PTPRQ: variants seen among roughly 807,000 people sequenced by gnomAD.
The protein encoded by PTPRQ is phosphatidylinositol phosphatase PTPRQ.
In PTPRQ, 199 loss-of-function variants were observed where a neutral mutation model predicts 246.0. That is an observed-to-expected ratio of 0.81 (90% confidence interval 0.72 to 0.91). The LOEUF is 0.91. Ranked by LOEUF, PTPRQ falls within the 40% of genes least tolerant of loss-of-function variation. PTPRQ has a pLI of 0.00. For missense variants in PTPRQ, 2,624 were observed against 2,528.4 expected (o/e 1.04, Z -0.81); for synonymous variants, 869 against 853.2 (o/e 1.02, Z -0.32).
intron 34 of PTPRQ, among the ~76,000 whole-genome samples, chr12:80,633,216 G>GT (rs781043562): frequency 6.6e-6 from 1 of 152,190 alleles, no homozygotes; most frequent in Admixed American, 6.5e-5. Context: ...AAAGTAATTT[G>GT]TAACTCTTAT....
At chr12:80,456,495 T>C (rs751538112) in intron 3 of PTPRQ, among the ~76,000 whole-genome samples, 7 of 152,148 alleles carry the variant, frequency 4.6e-5, no homozygotes, top group Non-Finnish European at 8.8e-5. Flanking sequence ...TGTCAATATA[T>C]GCTATTGGGG....
At chr12:80,484,075 C>T (rs1246806426) in intron 8 of PTPRQ, among the ~76,000 whole-genome samples, 1 of 151,616 alleles carries the variant, frequency 6.6e-6, no homozygotes, top group Non-Finnish European at 1.5e-5. Context: ...GTGCAATCTC[C>T]ACTCACTGTA....
At chr12:80,473,971 G>A (rs1893734067) in intron 8 of PTPRQ, among the ~76,000 whole-genome samples, 1 of 152,206 alleles carries the variant, frequency 6.6e-6, no homozygotes, top group African/African-American at 2.4e-5. Context: ...CAAAGGCAGG[G>A]TTGGCATGGT....
At chr12:80,523,941 A>T (rs1458982103) in intron 17 of PTPRQ, among the ~76,000 whole-genome samples, 1 of 152,056 alleles carries the variant, frequency 6.6e-6, no homozygotes, top group Non-Finnish European at 1.5e-5. Context: ...TGTCTCATTG[A>T]TCTGTCTAAT....
chr12:80,517,438 A>G (rs960704356), intron 17 of PTPRQ, among the ~76,000 whole-genome samples: 10 of 152,278 alleles, frequency 6.6e-5, no homozygotes, highest in Admixed American at 6.5e-5. Flanking sequence ...ACAAGCGTGT[A>G]ACAAGTAATA....
intron 39 of PTPRQ, among the ~76,000 whole-genome samples, chr12:80,661,504 T>C (rs1177666331): frequency 1.3e-5 from 2 of 151,442 alleles, no homozygotes; most frequent in Non-Finnish European, 3.0e-5. Flanking sequence ...CATTTGTATA[T>C]AAACATATAC....
chr12:80,534,289 C>T (rs1345744227), intron 18 of PTPRQ, 114 bp downstream of exon 18: 10 of 1,123,594 alleles, frequency 8.9e-6, no homozygotes, highest in South Asian at 2.4e-5. Context: ...TATTCATCAT[C>T]AGTTTGATGA....
rs531431892 is a variant in PTPRQ at position 80,679,669 on chromosome 12, G to T, written c.*646G>T. On this transcript the variant is annotated 3_prime_UTR_variant, in exon 45 of 45. Coordinates refer to ENST00000644991, the MANE Select transcript of PTPRQ (RefSeq NM_001145026.2). ...GATCTTCAGTTTGAGAACCTTAAAA[G>T]AAAAATTAAAAGTGCAATTGCACAC... 6.6e-6 allele frequency: 1 copy of T among 151,974 alleles called. No homozygotes were observed. The highest frequency in any genetic ancestry group is 6.6e-5 in the Admixed American group (1 of 15,234). 9.4% of individuals were successfully genotyped at this position (151,974 alleles called of 1,614,324 possible).
At chr12:80,476,712 T>A (rs1048398707) in intron 8 of PTPRQ, among the ~76,000 whole-genome samples, 4 of 152,242 alleles carry the variant, frequency 2.6e-5, no homozygotes, top group Non-Finnish European at 5.9e-5. Context: ...TAAGACTATA[T>A]GCCTGTCTTC....
chr12:80,585,683 A>G (rs1049503159), intron 25 of PTPRQ, among the ~76,000 whole-genome samples: 1 of 151,920 alleles, frequency 6.6e-6, no homozygotes, highest in African/African-American at 2.4e-5. Flanking sequence ...TGAAATATTG[A>G]CATGGCTAGG....
At chr12:80,547,150 C>G (rs545026998) in intron 24 of PTPRQ, 1 of 155,642 alleles carries the variant, frequency 6.4e-6, no homozygotes, top group South Asian at 2.0e-4. Context: ...CCCTATGTTC[C>G]CATCATCCCA....
Position 80,678,853 on chromosome 12 carries a change from T to C in PTPRQ, c.6862+128T>C, listed in dbSNP as rs896200939. 17 of 1,431,994 alleles carry C rather than the reference T, an allele frequency of 1.2e-5. No homozygotes were observed. In the African/African-American group the frequency reaches 2.0e-4, roughly 17 times the overall value. The allele number at this position is 1,431,994 out of a possible 1,614,324, so 88.7% of individuals were successfully genotyped here. On this transcript the variant is annotated intron_variant, in intron 44 of 44. Transcript: ENST00000644991. Reference sequence around the variant, plus strand: ...ATTAGTGCACAGATCAGGTTTTTTTTCTTTAACTTTTCTCTAATCCAAGTT... The same window carrying C: ...ATTAGTGCACAGATCAGGTTTTTTTCCTTTAACTTTTCTCTAATCCAAGTT...
chr12:80,645,848 G>T (rs922259695), intron 35 of PTPRQ, among the ~76,000 whole-genome samples: 12 of 152,068 alleles, frequency 7.9e-5, no homozygotes, highest in African/African-American at 2.7e-4. Flanking sequence ...CAAACAGGAT[G>T]CATGAAGAGG....
intron 37 of PTPRQ, 108 bp from the exon 38 acceptor site, chr12:80,652,636 A>T: frequency 2.6e-6 from 3 of 1,154,054 alleles, no homozygotes; most frequent in South Asian, 2.2e-5. Context: ...AGGTGTTTTT[A>T]ATTTAAAAAT....
chr12:80,615,896 C>T (rs1898736689), intron 29 of PTPRQ, among the ~76,000 whole-genome samples: 1 of 150,862 alleles, frequency 6.6e-6, no homozygotes, highest in Non-Finnish European at 1.5e-5. Context: ...AGTGATAGGG[C>T]TGTTTAGATC....
At chr12:80,445,778 G>A (rs1892536434) in intron 3 of PTPRQ, 61 bp downstream of exon 3, 1 of 1,215,202 alleles carries the variant, frequency 8.2e-7, no homozygotes, top group African/African-American at 1.5e-5. Flanking sequence ...AAAAGTGTGG[G>A]AGGTTTTTCT....
At chr12:80,578,485 G>A (rs1271116863) in intron 25 of PTPRQ, among the ~76,000 whole-genome samples, 2 of 152,016 alleles carry the variant, frequency 1.3e-5, no homozygotes, top group Non-Finnish European at 2.9e-5. Context: ...CCGCCTCCCG[G>A]GTTCATGCCA....
chr12:80,667,221 T>C (rs1321901628), intron 39 of PTPRQ, among the ~76,000 whole-genome samples: 1 of 151,920 alleles, frequency 6.6e-6, no homozygotes, highest in Non-Finnish European at 1.5e-5. Flanking sequence ...TTGATTTTCC[T>C]TCTACCCACA....
intron 25 of PTPRQ, among the ~76,000 whole-genome samples, chr12:80,554,838 G>A (rs1342682491): frequency 6.6e-6 from 1 of 152,082 alleles, no homozygotes; most frequent in Non-Finnish European, 1.5e-5. Flanking sequence ...AACCTCCTGG[G>A]CTCAAGTGAT....
Sources: gnomAD v4.1 joint callset for allele counts (sites outside exome capture counted in the v4.1 genomes callset) on GRCh38, gnomAD v4.1.1 for gene constraint, MANE v1.5 for transcripts, NCBI Gene and HGNC (gene_info 2026-07-23, HGNC 2026-07-21) for gene names.